BLTP3B: variants seen among roughly 807,000 people sequenced by gnomAD.
The protein encoded by BLTP3B is UHRF1 (ICBP90) binding protein 1-like.
the BLTP3B span, chr12:100,088,774 C>A: frequency 1.6e-6 from 1 of 617,822 alleles, no homozygotes; most frequent in Non-Finnish European, 2.5e-6. Flanking sequence ...CCAGTTGTGC[C>A]TTTCATCTAT....
chr12:100,051,430 A>G, the BLTP3B span: 1 of 420,874 alleles, frequency 2.4e-6, no homozygotes, highest in African/African-American at 2.0e-5. Context: ...TATCTGTGGT[A>G]AAAGACAATT....
chr12:100,095,826 G>T, the BLTP3B span: 1 of 1,604,692 alleles, frequency 6.2e-7, no homozygotes, highest in South Asian at 1.1e-5. Context: ...CTATGACATT[G>T]CAGTCCTTTA....
chr12:100,060,475 C>T, the BLTP3B span, among the ~76,000 whole-genome samples: 2 of 152,116 alleles, frequency 1.3e-5, no homozygotes, highest in Admixed American at 6.5e-5. Context: ...GACTTTACAA[C>T]CTGAATCTTA....
chr12:100,064,914 T>C, the BLTP3B span, among the ~76,000 whole-genome samples: 9 of 139,492 alleles, frequency 6.5e-5, no homozygotes, highest in Non-Finnish European at 1.1e-4. Flanking sequence ...AAAAACAAGG[T>C]ATACAAGCAA....
chr12:100,058,355 T>C, the BLTP3B span: 1 of 1,613,542 alleles, frequency 6.2e-7, no homozygotes, highest in South Asian at 1.1e-5. Context: ...CTTCACTTAT[T>C]TTCCCTAAAT....
chr12:100,069,841 C>T, the BLTP3B span: 1 of 602,400 alleles, frequency 1.7e-6, no homozygotes, highest in Non-Finnish European at 2.1e-6. Flanking sequence ...ACCACCTTTT[C>T]CCCAATAACC....
the BLTP3B span, among the ~76,000 whole-genome samples, chr12:100,107,313 G>C: frequency 1.1e-5 from 1 of 87,058 alleles, no homozygotes; most frequent in Non-Finnish European, 2.3e-5. Context: ...AAAAAAAAAA[G>C]ATAAGTAGAA....
At chr12:100,077,333 TTAAG>T in the BLTP3B span, among the ~76,000 whole-genome samples, 1 of 152,042 alleles carries the variant, frequency 6.6e-6, no homozygotes, top group Non-Finnish European at 1.5e-5. Flanking sequence ...GCCTAGGAGT[TTAAG>T]TAGGCTACAT....
chr12:100,076,357 C>A, the BLTP3B span, among the ~76,000 whole-genome samples: 4 of 145,988 alleles, frequency 2.7e-5, no homozygotes, highest in Non-Finnish European at 6.0e-5. Context: ...GGTTTACTTA[C>A]GTTTCCTCTT....
the BLTP3B span, among the ~76,000 whole-genome samples, chr12:100,119,880 T>A: frequency 6.6e-6 from 1 of 152,114 alleles, no homozygotes; most frequent in African/African-American, 2.4e-5. Context: ...TTTGGTAGAT[T>A]TAACGCAACA....
chr12:100,058,486 T>G, the BLTP3B span: 1 of 1,613,368 alleles, frequency 6.2e-7, no homozygotes, highest in South Asian at 1.1e-5. Flanking sequence ...ATAGATCTGT[T>G]GTCTGACATA....
At chr12:100,074,593 C>CAAAAAAAAAAAAA in the BLTP3B span, among the ~76,000 whole-genome samples, 1 of 69,654 alleles carries the variant, frequency 1.4e-5, no homozygotes, top group African/African-American at 5.1e-5. Context: ...GACTCTGTTT[C>CAAAAAAAAAAAAA]AAAAAAAAAA....
At chr12:100,090,899 A>G in the BLTP3B span, among the ~76,000 whole-genome samples, 1 of 152,124 alleles carries the variant, frequency 6.6e-6, no homozygotes, top group Admixed American at 6.6e-5. Flanking sequence ...AATACTGATA[A>G]AAATAAAAAT....
the BLTP3B span, among the ~76,000 whole-genome samples, chr12:100,078,246 C>G: frequency 6.6e-6 from 1 of 152,140 alleles, no homozygotes. Context: ...CTGCGCCACT[C>G]TCTGTCTTGC....
At chr12:100,040,342 G>C in the BLTP3B span, among the ~76,000 whole-genome samples, 1 of 151,906 alleles carries the variant, frequency 6.6e-6, no homozygotes, top group African/African-American at 2.4e-5. Flanking sequence ...ACCAGCCTGA[G>C]CAATGTAGCA....
the BLTP3B span, among the ~76,000 whole-genome samples, chr12:100,118,170 G>A: frequency 5.9e-5 from 9 of 151,948 alleles, no homozygotes; most frequent in South Asian, 4.1e-4. Context: ...TACAAAACAC[G>A]TGGCCAGGTC....
the BLTP3B span, among the ~76,000 whole-genome samples, chr12:100,063,252 G>A: frequency 6.6e-6 from 1 of 152,056 alleles, no homozygotes; most frequent in Non-Finnish European, 1.5e-5. Flanking sequence ...ATACTGTGCT[G>A]GTACTCACAG....
At chr12:100,102,990 C>A in the BLTP3B span, 2 of 544,664 alleles carry the variant, frequency 3.7e-6, no homozygotes, top group Non-Finnish European at 5.9e-6. Context: ...CATTTAAGTG[C>A]CTCTCTACAG....
the BLTP3B span, among the ~76,000 whole-genome samples, chr12:100,065,621 T>G: frequency 6.6e-6 from 1 of 152,160 alleles, no homozygotes; most frequent in African/African-American, 2.4e-5. Flanking sequence ...TTATGAGGGT[T>G]GGGAAAAGAC....
Sources: allele counts gnomAD v4.1 joint callset (sites outside exome capture counted in the v4.1 genomes callset), GRCh38; gene constraint gnomAD v4.1.1; transcripts MANE v1.5; gene names NCBI Gene and HGNC (gene_info 2026-07-23, HGNC 2026-07-21).